PCDHA10: variants seen among roughly 807,000 people sequenced by gnomAD.
The protein encoded by PCDHA10 is protocadherin alpha-10.
Under a neutral mutation model 61.2 loss-of-function variants are expected in PCDHA10, and 45 were observed. The ratio of observed to expected loss-of-function variants is 0.74; its 90% CI spans 0.58 to 0.94. The LOEUF (loss-of-function observed/expected upper bound fraction) is 0.94, where lower values mean the gene tolerates loss of function less well. Ranked by LOEUF, PCDHA10 falls within the 40% of genes least tolerant of loss-of-function variation. The pLI, the probability that PCDHA10 is intolerant of heterozygous loss-of-function variation, is 0.00. For synonymous variants in PCDHA10, 602 were observed against 548.8 expected (o/e 1.10, Z -1.35); for missense variants, 1,278 against 1,236.2 (o/e 1.03, Z -0.51).
intron 1 of PCDHA10, among the ~76,000 whole-genome samples, chr5:140,881,178 G>A (rs924852150): frequency 2.0e-5 from 3 of 152,098 alleles, no homozygotes; most frequent in African/African-American, 7.2e-5. Flanking sequence ...TCTTTTCCTT[G>A]CTAAAGATAT....
intron 1 of PCDHA10, among the ~76,000 whole-genome samples, chr5:140,960,147 T>C (rs2095529138): frequency 6.6e-6 from 1 of 152,322 alleles, no homozygotes; most frequent in Admixed American, 6.5e-5. Context: ...TATTAATAGC[T>C]TGAGACTGAT....
chr5:140,993,234 A>AATCTG (rs1554253510), intron 3 of PCDHA10, among the ~76,000 whole-genome samples: 1 of 152,130 alleles, frequency 6.6e-6, no homozygotes, highest in Non-Finnish European at 1.5e-5. Flanking sequence ...GTTCTCTCTG[A>AATCTG]ATCTGGGGAT....
chr5:141,008,579 T>C (rs1554261820), intron 3 of PCDHA10, among the ~76,000 whole-genome samples: 1 of 152,232 alleles, frequency 6.6e-6, no homozygotes, highest in African/African-American at 2.4e-5. Flanking sequence ...TTCCCAAGAC[T>C]CAGGGCAGAT....
In PCDHA10 at chr5:140,860,044, T is replaced by C. The variant is rs116974556; in HGVS notation, c.2388+1608T>C. On this transcript the variant is annotated intron_variant, in intron 1 of 3. Coordinates refer to ENST00000307360, the MANE Select transcript of PCDHA10 (RefSeq NM_018901.4). The stretch of plus-strand genomic sequence containing the variant: ...TGGCTCACACCTGTAATCCCAGCAT[T>C]TTGAGAGGCCAAGGTGGGAGGATGG... 10 of 151,928 alleles carry C rather than the reference T, an allele frequency of 6.6e-5. No homozygotes were observed. In the East Asian group the frequency reaches 1.9e-3, roughly 29 times the overall value. 9.4% of individuals were successfully genotyped at this position (151,928 alleles called of 1,614,324 possible).
intron 3 of PCDHA10, among the ~76,000 whole-genome samples, chr5:141,002,222 G>A (rs1278350490): frequency 2.0e-5 from 3 of 152,212 alleles, no homozygotes; most frequent in Non-Finnish European, 4.4e-5. Context: ...AAAATGATGG[G>A]TTTTCTGGAA....
At chr5:140,936,240 CAT>C (rs1282249217) in intron 1 of PCDHA10, among the ~76,000 whole-genome samples, 3 of 152,152 alleles carry the variant, frequency 2.0e-5, no homozygotes, top group Non-Finnish European at 4.4e-5. Flanking sequence ...TTAAAGAAAA[CAT>C]ATCCTGCTTC....
chr5:140,946,377 T>C (rs1554217528), intron 1 of PCDHA10, among the ~76,000 whole-genome samples: 1 of 151,764 alleles, frequency 6.6e-6, no homozygotes, highest in African/African-American at 2.4e-5. Flanking sequence ...TTGCACACGG[T>C]TGGTAGGAAT....
intron 1 of PCDHA10, among the ~76,000 whole-genome samples, chr5:140,965,496 AT>A (rs71766133): frequency 0.14 from 20,233 of 145,920 alleles, 1,374 homozygotes; most frequent in Middle Eastern, 0.21. Flanking sequence ...ATGACAGCAG[AT>A]TTTTTTTTTT....
At chr5:140,884,063 G>T in intron 1 of PCDHA10, 1 of 1,613,496 alleles carries the variant, frequency 6.2e-7, no homozygotes, top group Non-Finnish European at 8.5e-7. Context: ...CGCGGTGGAC[G>T]CCGATTCGGG....
intron 1 of PCDHA10, chr5:140,876,078 A>C (rs2056099570): frequency 6.2e-7 from 1 of 1,613,868 alleles, no homozygotes; most frequent in Non-Finnish European, 8.5e-7. Flanking sequence ...TATTGGACAG[A>C]GAGCAAACGC....
chr5:140,932,398 T>TA (rs1472151465), intron 1 of PCDHA10, among the ~76,000 whole-genome samples: 1 of 151,960 alleles, frequency 6.6e-6, no homozygotes, highest in Non-Finnish European at 1.5e-5. Flanking sequence ...AGTTTCAACA[T>TA]ACCAATGTTA....
chr5:140,879,002 AG>A (rs1278268880), intron 1 of PCDHA10, among the ~76,000 whole-genome samples: 2 of 152,270 alleles, frequency 1.3e-5, no homozygotes, highest in African/African-American at 4.8e-5. Context: ...AGTATGCCCT[AG>A]AAATCAGATA....
chr5:140,875,260 C>T (rs2153321792), intron 1 of PCDHA10: 1 of 1,109,124 alleles, frequency 9.0e-7, no homozygotes, highest in Non-Finnish European at 1.2e-6. Context: ...CACATGATGT[C>T]GCTCTACACT....
chr5:140,858,537 C>T (rs1485044907), intron 1 of PCDHA10, 101 bp downstream of exon 1: 2 of 1,400,036 alleles, frequency 1.4e-6, no homozygotes, highest in Non-Finnish European at 2.0e-6. Flanking sequence ...TTTTTGTCTA[C>T]ATTCCATTTA....
chr5:140,911,693 CAAAT>C, intron 1 of PCDHA10, among the ~76,000 whole-genome samples: 1 of 152,156 alleles, frequency 6.6e-6, no homozygotes, highest in East Asian at 1.9e-4. Flanking sequence ...TCAGGAGTGT[CAAAT>C]GAATTTATTT....
At chr5:140,915,840 G>C (rs1554197129) in intron 1 of PCDHA10, among the ~76,000 whole-genome samples, 1 of 152,142 alleles carries the variant, frequency 6.6e-6, no homozygotes, top group African/African-American at 2.4e-5. Context: ...AGATCAGCAG[G>C]GGGTGACACC....
chr5:140,868,423 T>A (rs1554161972), intron 1 of PCDHA10: 1 of 151,106 alleles, frequency 6.6e-6, no homozygotes, highest in African/African-American at 2.4e-5. Flanking sequence ...CCCACAGAGA[T>A]GAGAATAGAT....
At chr5:140,971,661 TAGAG>T (rs2096491377) in intron 1 of PCDHA10, among the ~76,000 whole-genome samples, 1 of 152,064 alleles carries the variant, frequency 6.6e-6, no homozygotes, top group Non-Finnish European at 1.5e-5. Context: ...AGATGGGAAT[TAGAG>T]AGGAAGAGTA....
chr5:140,875,198 G>T (rs782209612), intron 1 of PCDHA10: 16 of 552,110 alleles, frequency 2.9e-5, no homozygotes, highest in Non-Finnish European at 4.5e-5. Flanking sequence ...GACCCAGGAA[G>T]TGGCTAAACC....
Sources: gnomAD v4.1 joint callset for allele counts (sites outside exome capture counted in the v4.1 genomes callset) on GRCh38, gnomAD v4.1.1 for gene constraint, MANE v1.5 for transcripts, NCBI Gene and HGNC (gene_info 2026-07-23, HGNC 2026-07-21) for gene names.